The following CNTNAP4 variants were observed in gnomAD, a reference collection of about 807,000 sequenced individuals.
CNTNAP4 encodes the protein contactin associated protein family member 4.
A neutral mutation model predicts 148.4 loss-of-function variants in CNTNAP4; 98 were observed. The observed-to-expected ratio is 0.66, with a 90% CI of 0.56 to 0.78. The LOEUF is 0.78. Among genes scored for constraint, CNTNAP4 ranks in the 30% least tolerant of loss-of-function variants. The probability of loss-of-function intolerance (pLI) is 0.00; values close to 1 mark genes in which losing one functional copy is unlikely to be tolerated. For missense variants in CNTNAP4, 1,935 were observed against 1,565.6 expected (o/e 1.24, Z -3.98); for synonymous variants, 730 against 565.1 (o/e 1.29, Z -4.14).
chr16:76,278,884 G>C (rs1958581933), intron 1 of CNTNAP4, among the ~76,000 whole-genome samples: 1 of 152,120 alleles, frequency 6.6e-6, no homozygotes, highest in South Asian at 2.1e-4. Context: ...ACAGTACCTG[G>C]CTCCCGTGAT....
At chr16:76,540,143 G>A (rs187040683) in intron 20 of CNTNAP4, among the ~76,000 whole-genome samples, 16 of 152,118 alleles carry the variant, frequency 1.1e-4, no homozygotes, top group East Asian at 1.9e-4. Flanking sequence ...TAATGAAACC[G>A]GTTTACTTTA....
intron 1 of CNTNAP4, among the ~76,000 whole-genome samples, chr16:76,307,503 CATATATATATATATATATATATAT>C (rs6145898): frequency 1.1e-3 from 105 of 91,724 alleles, no homozygotes; most frequent in African/African-American, 4.2e-3. Context: ...ATTTTAAATG[CATATATATATATATATATATATAT>C]ATATATATAT....
chr16:76,364,190 T>C lies in CNTNAP4; in HGVS notation c.390+8679T>C, dbSNP rs62051170. ...AGGTGGAGGTTGCGGTGAGCTGATA[T>C]GCCACTGCATTCCAGCCTGGGCAAC... On this transcript the variant is annotated intron_variant, in intron 3 of 23. Coordinates refer to ENST00000611870, the MANE Select transcript of CNTNAP4 (RefSeq NM_033401.5). Among the ~76,000 whole-genome samples the C allele has an allele frequency of 2.0e-3, 244 of 121,212 alleles. 1 individual carries two copies. The highest frequency in any genetic ancestry group is 7.8e-3 in the African/African-American group (237 of 30,392). The allele number at this position is 121,212 out of a possible 152,430, so 79.5% of individuals were successfully genotyped here. A position where few individuals can be genotyped will look rare whatever the true frequency, so the allele number is the denominator to read the frequency against.
At chr16:76,367,684 A>G (rs1417017445) in intron 3 of CNTNAP4, among the ~76,000 whole-genome samples, 2 of 152,184 alleles carry the variant, frequency 1.3e-5, no homozygotes, top group Non-Finnish European at 2.9e-5. Context: ...GCTATCATGA[A>G]CAACTTTTAA....
chr16:76,462,160 C>G (rs772238887), intron 9 of CNTNAP4, 55 bp downstream of exon 9: 21 of 1,476,270 alleles, frequency 1.4e-5, no homozygotes, highest in Non-Finnish European at 1.9e-5. Flanking sequence ...CATTAGTGCC[C>G]CCGTGTCTTG....
chr16:76,515,820 A>C (rs2083224919), intron 15 of CNTNAP4, among the ~76,000 whole-genome samples: 1 of 152,170 alleles, frequency 6.6e-6, no homozygotes, highest in African/African-American at 2.4e-5. Context: ...AATAGTGCCA[A>C]CACAAAATAC....
At chr16:76,312,459 A>C (rs959324904) in intron 1 of CNTNAP4, among the ~76,000 whole-genome samples, 1 of 152,172 alleles carries the variant, frequency 6.6e-6, no homozygotes. Context: ...TGCTTAATCC[A>C]CAATTCCAAA....
At chr16:76,371,436 C>T (rs984405782) in intron 3 of CNTNAP4, among the ~76,000 whole-genome samples, 2 of 152,112 alleles carry the variant, frequency 1.3e-5, no homozygotes, top group African/African-American at 4.8e-5. Context: ...CAGGTGCGTG[C>T]CTCCCGCCTG....
chr16:76,450,211 A>T (rs1202045651), intron 7 of CNTNAP4, among the ~76,000 whole-genome samples: 1 of 151,824 alleles, frequency 6.6e-6, no homozygotes, highest in South Asian at 2.1e-4. Context: ...GTGCAGTGGC[A>T]TAATCTCGGC....
chr16:76,407,744 T>A (rs2078643859), intron 3 of CNTNAP4, among the ~76,000 whole-genome samples: 2 of 152,078 alleles, frequency 1.3e-5, no homozygotes, highest in Admixed American at 6.6e-5. Flanking sequence ...TGAACATAGT[T>A]GAAATGACAA....
At chr16:76,314,827 A>G (rs1279159895) in intron 1 of CNTNAP4, among the ~76,000 whole-genome samples, 1 of 152,176 alleles carries the variant, frequency 6.6e-6, no homozygotes, top group African/African-American at 2.4e-5. Context: ...ATTCCATCAC[A>G]TTAAAACTGT....
Position 76,553,304 on chromosome 16 carries a change from A to C in CNTNAP4, c.3464A>C (p.Asp1155Ala). 6.2e-7 allele frequency: 1 copy of C among 1,609,398 alleles called. No individual in the cohort carries two copies. Among genetic ancestry groups the C allele is most frequent in the Non-Finnish European group, 8.5e-7 (1 of 1,176,166 alleles). ...RILEHSDVDQ[D>A]TALAGAQGFT... ...CTAGAACACAGTGATGTGGACCAGG[A>C]TACTGCACTGGCAGGTGCGCAGGGC... Residue 1155 changes from aspartate to alanine, a missense_variant, in exon 22 of 24, where the codon GAT becomes GCT. Physicochemically the swap from Asp to Ala is moderately radical, Grantham distance 126. Transcript: ENST00000611870.
rs112425210 is a variant in CNTNAP4 at position 76,407,139 on chromosome 16, A to G, written c.391-20313A>G. ...CATTTACCATTCTGAAAATCCTAGG[A>G]CACGTAAGAATTATGCTAAATTCTT... is the stretch of plus-strand genomic sequence containing the variant. On this transcript the variant is annotated intron_variant, in intron 3 of 23. Coordinates refer to ENST00000611870, the MANE Select transcript of CNTNAP4 (RefSeq NM_033401.5). 3.5e-3 allele frequency among the ~76,000 whole-genome samples: 529 copies of G among 152,256 alleles called. 2 individuals carry two copies. Among genetic ancestry groups the G allele is most frequent in the African/African-American group, 0.012 (494 of 41,552 alleles).
At chr16:76,427,991 C>T (rs1056786556) in intron 4 of CNTNAP4, among the ~76,000 whole-genome samples, 3 of 152,138 alleles carry the variant, frequency 2.0e-5, no homozygotes, top group Non-Finnish European at 4.4e-5. Flanking sequence ...GTTTAACCGT[C>T]ATGTTATGAA....
chr16:76,475,799 A>G (rs28584072), intron 10 of CNTNAP4, 140 bp from the exon 11 acceptor site: 3 of 609,438 alleles, frequency 4.9e-6, no homozygotes. Flanking sequence ...CTGTGATTAA[A>G]GTGATTAACA....
In CNTNAP4 at chr16:76,558,919, G is replaced by C. The variant is rs2085310106; in HGVS notation, c.*236G>C. 2.3e-5 allele frequency: 8 copies of C among 344,298 alleles called. No homozygotes were observed. Among genetic ancestry groups the C allele is most frequent in the East Asian group, 4.8e-5 (1 of 20,990 alleles). The allele number at this position is 344,298 out of a possible 1,614,324, so 21.3% of individuals were successfully genotyped here. A position where few individuals can be genotyped will look rare whatever the true frequency, so the allele number is the denominator to read the frequency against. On this transcript the variant is annotated 3_prime_UTR_variant, in exon 24 of 24. Transcript: ENST00000611870. ...ATTGCTGTTAATTTTCAACTGTTCT[G>C]GTATGATCTAAAACAAGTTTAACCT...
Position 76,423,095 on chromosome 16 carries a change from C to T in CNTNAP4, c.391-4357C>T, listed in dbSNP as rs74455563. Among the ~76,000 whole-genome samples, 1,028 of 152,234 alleles carry T rather than the reference C, an allele frequency of 6.8e-3. 8 individuals are homozygous for T. Among genetic ancestry groups the T allele is most frequent in the African/African-American group, 0.023 (973 of 41,538 alleles). On this transcript the variant is annotated intron_variant, in intron 3 of 23. Coordinates refer to ENST00000611870, the MANE Select transcript of CNTNAP4 (RefSeq NM_033401.5). ...GGCATTCTATGAAACATGAAGTAGG[C>T]CTTCACCAGACACCGAATCTGCTGG...
At chr16:76,396,716 A>C (rs909593723) in intron 3 of CNTNAP4, among the ~76,000 whole-genome samples, 1 of 152,124 alleles carries the variant, frequency 6.6e-6, no homozygotes, top group African/African-American at 2.4e-5. Context: ...CCTTCACCTC[A>C]TGCCTACTGT....
At chr16:76,420,311 C>G (rs2079144146) in intron 3 of CNTNAP4, among the ~76,000 whole-genome samples, 1 of 71,986 alleles carries the variant, frequency 1.4e-5, no homozygotes, top group East Asian at 4.7e-4. Flanking sequence ...ACAGTTTTTG[C>G]TGCTATTTTA....
Sources: allele counts gnomAD v4.1 joint callset (sites outside exome capture counted in the v4.1 genomes callset), GRCh38; gene constraint gnomAD v4.1.1; transcripts MANE v1.5; gene names NCBI Gene and HGNC (gene_info 2026-07-23, HGNC 2026-07-21).